The following AHRR variants were observed in gnomAD, a reference collection of about 807,000 sequenced individuals.
AHRR encodes the protein aryl hydrocarbon receptor repressor, also known as ahR repressor.
AHRR carries 28 observed loss-of-function variants against 44.0 expected under a neutral mutation model. The observed-to-expected ratio is 0.64, with a 90% CI of 0.47 to 0.87. The LOEUF is 0.87. Among genes scored for constraint, AHRR ranks in the 40% least tolerant of loss-of-function variants. The pLI is 0.00. For missense variants in AHRR, 990 were observed against 953.9 expected (o/e 1.04, Z -0.50); for synonymous variants, 434 against 407.0 (o/e 1.07, Z -0.80).
At chr5:340,688 A>ATTTTTTTTT (rs539789608) in intron 1 of AHRR, among the ~76,000 whole-genome samples, 3 of 12,920 alleles carry the variant, frequency 2.3e-4, no homozygotes, top group African/African-American at 4.0e-4. Context: ...ATATATATAT[A>ATTTTTTTTT]TTTTTTTTTT....
intron 2 of AHRR, among the ~76,000 whole-genome samples, chr5:346,624 C>T (rs1742687326): frequency 6.6e-6 from 1 of 152,208 alleles, no homozygotes; most frequent in Non-Finnish European, 1.5e-5. Context: ...TGTCTCAACC[C>T]TTCCTGGCCC....
intron 4 of AHRR, among the ~76,000 whole-genome samples, chr5:389,954 A>AG (rs1265951072): frequency 2.1e-5 from 1 of 46,838 alleles, no homozygotes; most frequent in African/African-American, 8.6e-5. Context: ...AGGGAGGGGG[A>AG]GGGGAGACAG....
intron 1 of AHRR, among the ~76,000 whole-genome samples, chr5:335,170 G>A (rs1450711084): frequency 1.3e-5 from 2 of 152,096 alleles, no homozygotes; most frequent in African/African-American, 4.8e-5. Flanking sequence ...CTGATTCTTG[G>A]GCCTCTGGGT....
intron 4 of AHRR, among the ~76,000 whole-genome samples, chr5:398,380 G>A (rs1035834082): frequency 2.6e-5 from 4 of 150,978 alleles, no homozygotes; most frequent in African/African-American, 7.3e-5. Context: ...CATTAGCCCC[G>A]ACTGTCTGGT....
intron 3 of AHRR, among the ~76,000 whole-genome samples, chr5:366,297 C>T (rs1743359069): frequency 6.6e-6 from 1 of 152,152 alleles, no homozygotes; most frequent in Non-Finnish European, 1.5e-5. Flanking sequence ...GAAGACGTGT[C>T]ACAGGACACA....
intron 1 of AHRR, among the ~76,000 whole-genome samples, chr5:324,620 T>C (rs1741638259): frequency 6.6e-6 from 1 of 151,406 alleles, no homozygotes; most frequent in Non-Finnish European, 1.5e-5. Context: ...ATCCTGTCTT[T>C]ACTTAAAAAA....
chr5:376,464 G>C lies in AHRR; in HGVS notation c.245-146G>C, dbSNP rs1733646278. The C allele has an allele frequency of 2.1e-4, 3 of 14,376 alleles. No individual in the cohort carries two copies. The East Asian group carries it at 2.7e-3, about 13-fold the overall frequency. 0.9% of individuals were successfully genotyped at this position (14,376 alleles called of 1,614,324 possible). On this transcript the variant is annotated intron_variant, in intron 3 of 10. Coordinates refer to ENST00000684583, the MANE Select transcript of AHRR (RefSeq NM_001377236.1). Reference sequence around the variant, plus strand: ...TCTCAGGGCTGTGGAATGCTGCGTGGCCTGCAGAGGGGTCAGTGCAGCCCA... The same window carrying C: ...TCTCAGGGCTGTGGAATGCTGCGTGCCCTGCAGAGGGGTCAGTGCAGCCCA...
At chr5:345,070 ATGTGTGTGTG>A (rs150724632) in intron 2 of AHRR, among the ~76,000 whole-genome samples, 1 of 10,124 alleles carries the variant, frequency 9.9e-5, no homozygotes. Context: ...GTGTGTGGGG[ATGTGTGTGTG>A]TGTGTGTGTG....
At chr5:428,071 C>T in intron 8 of AHRR, 65 bp downstream of exon 8, 2 of 1,500,274 alleles carry the variant, frequency 1.3e-6, no homozygotes, top group South Asian at 1.2e-5. Context: ...AACACCTCCA[C>T]ACTCAGTGTT....
At chr5:375,711 G>A (rs903802146) in intron 3 of AHRR, among the ~76,000 whole-genome samples, 7 of 152,224 alleles carry the variant, frequency 4.6e-5, no homozygotes, top group African/African-American at 1.2e-4. Flanking sequence ...TTTGGTCCAC[G>A]CACTGGGGCC....
rs1356348497 is a variant in AHRR at position 434,189 on chromosome 5, T to C, written c.1449T>C (p.Phe483=). ...AGGTGCACCCTCCCCTCTGCCACTT[T>C]CCCCAGAGGAGCCTGCAGCACCAGC... The part of the protein sequence containing the change: ...EDQVHPPLCH[F]PQRSLQHQLP... Residue 483 remains phenylalanine, a synonymous_variant, in exon 11 of 11, where the codon TTT becomes TTC. Transcript: ENST00000684583. 1 of 1,593,470 alleles carries C rather than the reference T, an allele frequency of 6.3e-7. No individual in the cohort carries two copies. Among genetic ancestry groups the C allele is most frequent in the African/African-American group, 1.3e-5 (1 of 74,574 alleles).
rs1009227824 is a variant in AHRR at position 370,996 on chromosome 5, G to C, written c.245-5614G>C. 3.9e-5 allele frequency among the ~76,000 whole-genome samples: 6 copies of C among 152,182 alleles called. No individual in the cohort carries two copies. Among genetic ancestry groups the C allele is most frequent in the African/African-American group, 1.4e-4 (6 of 41,448 alleles). ...ATATGGGGAGGCTTATTATGAGCAG[G>C]TGTCTCAGACAGCTGCAAGCTGGAG... On this transcript the variant is annotated intron_variant, in intron 3 of 10. Coordinates refer to ENST00000684583, the MANE Select transcript of AHRR (RefSeq NM_001377236.1). The surrounding 1 kb of genome is among the most constrained non-coding windows in gnomAD (Gnocchi z 4.5).
chr5:331,901 T>A (rs1191084084), intron 1 of AHRR, among the ~76,000 whole-genome samples: 1 of 152,190 alleles, frequency 6.6e-6, no homozygotes, highest in Non-Finnish European at 1.5e-5. Context: ...GTGGAAAAAT[T>A]GTCTTCCACA....
rs367609153 is a variant in AHRR, at chr5:322,951, G to A, written c.-11+1132G>A. Among the ~76,000 whole-genome samples, 107 of 152,376 alleles carry A rather than the reference G, an allele frequency of 7.0e-4. 2 individuals are homozygous for A. The Middle Eastern group carries it at 0.02, about 29-fold the overall frequency. On this transcript the variant is annotated intron_variant, in intron 1 of 10. Transcript: ENST00000684583. ...AACAGACACGAGTTTTACCACGGGA[G>A]AAAGGTTCTTAGAAAAATTCAGATT...
At chr5:361,063 A>G (rs1017064996) in intron 3 of AHRR, among the ~76,000 whole-genome samples, 3 of 152,172 alleles carry the variant, frequency 2.0e-5, no homozygotes, top group Admixed American at 6.5e-5. Context: ...AGCCTGGCCA[A>G]GATGGTGAAA....
intron 1 of AHRR, among the ~76,000 whole-genome samples, chr5:340,067 C>T (rs973903419): frequency 3.9e-5 from 6 of 151,998 alleles, no homozygotes; most frequent in Non-Finnish European, 5.9e-5. Context: ...GTAAATAAGT[C>T]GACAATTTTA....
At chr5:432,313 TAA>T (rs1296027496) in intron 8 of AHRR, 148 bp from the exon 9 acceptor site, 1 of 701,204 alleles carries the variant, frequency 1.4e-6, no homozygotes, top group Non-Finnish European at 2.4e-6. Context: ...TATAAAGAAT[TAA>T]ACAAGAGTGA....
At chr5:368,634 C>T (rs1743456234) in intron 3 of AHRR, among the ~76,000 whole-genome samples, 1 of 152,236 alleles carries the variant, frequency 6.6e-6, no homozygotes, top group South Asian at 2.1e-4. Flanking sequence ...TTGGTTGCAT[C>T]TTCCACGATA....
Position 419,238 on chromosome 5 carries a change from C to T in AHRR, c.442-3491C>T, listed in dbSNP as rs547809510. On this transcript the variant is annotated intron_variant, in intron 5 of 10. Coordinates refer to ENST00000684583, the MANE Select transcript of AHRR (RefSeq NM_001377236.1). The surrounding 1 kb of genome is among the most constrained non-coding windows in gnomAD (Gnocchi z 4.4). ...GGAGTGCAGTGGCACAATCTCGGCTCACTGCAACCTCTGCCTCCTGGGTTC... is the reference window on the plus strand; with the variant it reads ...GGAGTGCAGTGGCACAATCTCGGCTTACTGCAACCTCTGCCTCCTGGGTTC... The T allele has an allele frequency of 3.6e-4, 54 of 151,454 alleles. No homozygotes were observed. Among genetic ancestry groups the T allele is most frequent in the African/African-American group, 1.3e-3 (52 of 41,122 alleles). The allele number at this position is 151,454 out of a possible 1,614,324, so 9.4% of individuals were successfully genotyped here.
Sources: allele counts gnomAD v4.1 joint callset (sites outside exome capture counted in the v4.1 genomes callset), GRCh38; gene constraint gnomAD v4.1.1; non-coding constraint Gnocchi (gnomAD v3.1); transcripts MANE v1.5; gene names NCBI Gene and HGNC (gene_info 2026-07-23, HGNC 2026-07-21).